Variants in PLCB1 observed in about 807,000 individuals in gnomAD.
PLCB1 encodes the protein phospholipase C beta 1.
Under a neutral mutation model 161.8 loss-of-function variants are expected in PLCB1, and 46 were observed. The observed-to-expected ratio is 0.28, with a 90% CI of 0.22 to 0.36. PLCB1 has a LOEUF of 0.36. PLCB1 is among the 10% of genes least tolerant of loss of function. PLCB1 has a pLI of 1.00. For synonymous variants in PLCB1, 517 were observed against 503.7 expected, an observed-to-expected ratio of 1.03 and a Z score of -0.35; for missense variants, 1,016 against 1,472.5, an observed-to-expected ratio of 0.69 and a Z score of 5.07.
intron 2 of PLCB1, among the ~76,000 whole-genome samples, chr20:8,151,802 T>C (rs1194145788): frequency 3.3e-5 from 5 of 152,164 alleles, no homozygotes; most frequent in Admixed American, 1.3e-4. Context: ...AACTGTCAGT[T>C]TGATTTTTCA....
intron 3 of PLCB1, among the ~76,000 whole-genome samples, chr20:8,596,886 T>C (rs1210453301): frequency 1.3e-5 from 2 of 152,282 alleles, no homozygotes; most frequent in African/African-American, 4.8e-5. Flanking sequence ...AGTTCACTCA[T>C]GATTTGGCTC....
chr20:8,731,044 G>T (rs1047820296), intron 18 of PLCB1, among the ~76,000 whole-genome samples: 1 of 151,636 alleles, frequency 6.6e-6, no homozygotes, highest in African/African-American at 2.4e-5. Flanking sequence ...TGGCCTTACC[G>T]TTCTCAGGTA....
intron 31 of PLCB1, among the ~76,000 whole-genome samples, chr20:8,838,792 A>C (rs1457522000): frequency 6.6e-6 from 1 of 152,182 alleles, no homozygotes; most frequent in East Asian, 1.9e-4. Flanking sequence ...GTAACATGGA[A>C]AGTTTAACCA....
intron 4 of PLCB1, among the ~76,000 whole-genome samples, chr20:8,644,147 ACAT>A (rs1176245661): frequency 2.6e-5 from 4 of 152,148 alleles, no homozygotes; most frequent in African/African-American, 7.2e-5. Flanking sequence ...GCTCGCTACA[ACAT>A]CCACCTCCCA....
At chr20:8,213,286 C>A (rs577838946) in intron 2 of PLCB1, among the ~76,000 whole-genome samples, 1 of 152,086 alleles carries the variant, frequency 6.6e-6, no homozygotes, top group East Asian at 1.9e-4. Context: ...TTCCAAAATG[C>A]GAAGGGTGAA....
chr20:8,523,490 C>CCATATATATATATATATA (rs1206489907), intron 3 of PLCB1, among the ~76,000 whole-genome samples: 706 of 67,400 alleles, frequency 0.01, 105 homozygotes, highest in South Asian at 0.014. Flanking sequence ...CTCTCTCTCT[C>CCATATATATATATATATA]TCTCTCTATA....
At chr20:8,826,234 A>G (rs1985690257) in intron 31 of PLCB1, among the ~76,000 whole-genome samples, 1 of 152,132 alleles carries the variant, frequency 6.6e-6, no homozygotes, top group Non-Finnish European at 1.5e-5. Context: ...AGCAGCTCAC[A>G]TCTGTAATCC....
chr20:8,300,779 T>C (rs1215593386), intron 2 of PLCB1, among the ~76,000 whole-genome samples: 1 of 152,116 alleles, frequency 6.6e-6, no homozygotes, highest in Non-Finnish European at 1.5e-5. Flanking sequence ...GCCTGGTACA[T>C]TGTTAAGTGT....
Position 8,490,741 on chromosome 20 carries a change from C to A in PLCB1, c.246+119291C>A, listed in dbSNP as rs376375856. Among the ~76,000 whole-genome samples, 10 of 152,104 alleles carry A rather than the reference C, an allele frequency of 6.6e-5. No homozygotes were observed. In the East Asian group the frequency reaches 1.7e-3, roughly 26 times the overall value. On this transcript the variant is annotated intron_variant, in intron 3 of 31. Transcript: ENST00000338037. ...TGACTAATGATGTGAAACACCTTTT[C>A]TAGTGCTTATTTGCCATCCCAGTTT...
In PLCB1 at chr20:8,811,920, A is replaced by G. The variant is rs1053471933; in HGVS notation, c.3423+21659A>G. 3.9e-5 allele frequency among the ~76,000 whole-genome samples: 6 copies of G among 152,152 alleles called. No individual in the cohort carries two copies. The South Asian group carries it at 6.2e-4, about 16-fold the overall frequency. ...ATTAAGGGGTAATGTACTTAAGCAC[A>G]TTTTCCTGTAGGATTTTTACCAGCA... is the stretch of plus-strand genomic sequence containing the variant. On this transcript the variant is annotated intron_variant, in intron 31 of 31. Transcript: ENST00000338037.
At chr20:8,829,070 G>T (rs184425855) in intron 31 of PLCB1, among the ~76,000 whole-genome samples, 16 of 152,274 alleles carry the variant, frequency 1.1e-4, no homozygotes, top group Admixed American at 4.6e-4. Flanking sequence ...GCTACGGGTG[G>T]AATCTATGTG....
At chr20:8,142,956 A>G (rs748514819) in intron 1 of PLCB1, among the ~76,000 whole-genome samples, 3 of 152,050 alleles carry the variant, frequency 2.0e-5, no homozygotes, top group African/African-American at 4.8e-5. Flanking sequence ...CACCTTCTGC[A>G]TTTATATTTT....
At chr20:8,454,322 A>T (rs895828574) in intron 3 of PLCB1, among the ~76,000 whole-genome samples, 22 of 152,160 alleles carry the variant, frequency 1.4e-4, no homozygotes, top group Admixed American at 1.3e-3. Context: ...CATGATGAGG[A>T]GTCAGGACTT....
At chr20:8,536,717 G>A (rs914412388) in intron 3 of PLCB1, among the ~76,000 whole-genome samples, 2 of 152,178 alleles carry the variant, frequency 1.3e-5, no homozygotes, top group Admixed American at 1.3e-4. Flanking sequence ...GAAAGTGCCA[G>A]TCCTCTTAAC....
chr20:8,171,208 G>C (rs2051729687), intron 2 of PLCB1, among the ~76,000 whole-genome samples: 1 of 151,918 alleles, frequency 6.6e-6, no homozygotes, highest in South Asian at 2.1e-4. Flanking sequence ...ACAATATCAT[G>C]TTTAATATAC....
At chr20:8,337,401 GTC>G (rs1985622359) in intron 2 of PLCB1, among the ~76,000 whole-genome samples, 1 of 152,152 alleles carries the variant, frequency 6.6e-6, no homozygotes, top group Non-Finnish European at 1.5e-5. Context: ...AAAATAAGAT[GTC>G]ACCTTATATC....
At chr20:8,254,608 T>C (rs1317934661) in intron 2 of PLCB1, among the ~76,000 whole-genome samples, 1 of 152,020 alleles carries the variant, frequency 6.6e-6, no homozygotes, top group Non-Finnish European at 1.5e-5. Context: ...TTATGTAATA[T>C]ACAGGCTACC....
At chr20:8,684,301 G>A (rs542130408) in intron 9 of PLCB1, among the ~76,000 whole-genome samples, 110 of 151,542 alleles carry the variant, frequency 7.3e-4, no homozygotes, top group Non-Finnish European at 1.3e-3. Flanking sequence ...CTGTCGCCCA[G>A]GCTGGAGTGC....
intron 2 of PLCB1, among the ~76,000 whole-genome samples, chr20:8,293,243 C>T (rs1257998678): frequency 6.6e-6 from 1 of 151,958 alleles, no homozygotes; most frequent in Non-Finnish European, 1.5e-5. Context: ...CTTGATAGAC[C>T]CACTTTATTC....
Sources: allele counts gnomAD v4.1 joint callset (sites outside exome capture counted in the v4.1 genomes callset), GRCh38; gene constraint gnomAD v4.1.1; transcripts MANE v1.5; gene names NCBI Gene and HGNC (gene_info 2026-07-23, HGNC 2026-07-21).